DLG2: variants seen among roughly 807,000 people sequenced by gnomAD.
DLG2 encodes the protein discs large MAGUK scaffold protein 2.
In DLG2, 45 loss-of-function variants were observed where a neutral mutation model predicts 132.5. That is an observed-to-expected ratio of 0.34 (90% CI 0.27 to 0.44). The LOEUF (loss-of-function observed/expected upper bound fraction) is 0.44, where lower values mean the gene tolerates loss of function less well. Among genes scored for constraint, DLG2 ranks in the 20% least tolerant of loss-of-function variants. DLG2 has a pLI of 1.00. For synonymous variants in DLG2, 424 were observed against 419.6 expected (o/e 1.01, Z -0.13); for missense variants, 1,045 against 1,196.9 (o/e 0.87, Z 1.87).
At chr11:84,785,409 T>C (rs2072703837) in intron 6 of DLG2, among the ~76,000 whole-genome samples, 1 of 152,100 alleles carries the variant, frequency 6.6e-6, no homozygotes, top group Non-Finnish European at 1.5e-5. Context: ...CCTCATGAGT[T>C]GTTAGGTATA....
At chr11:84,870,370 A>G (rs964749348) in intron 6 of DLG2, among the ~76,000 whole-genome samples, 41 of 152,168 alleles carry the variant, frequency 2.7e-4, no homozygotes, top group African/African-American at 8.7e-4. Context: ...TTCCAGCAAG[A>G]TCCTGTTATT....
chr11:85,587,588 A>C (rs1362018540), intron 3 of DLG2, among the ~76,000 whole-genome samples: 3 of 152,114 alleles, frequency 2.0e-5, no homozygotes, highest in African/African-American at 4.8e-5. Context: ...GTGAGTTCTT[A>C]TGCGTTAAGT....
intron 6 of DLG2, among the ~76,000 whole-genome samples, chr11:85,011,502 T>C (rs1336717642): frequency 6.6e-6 from 1 of 152,138 alleles, no homozygotes; most frequent in Non-Finnish European, 1.5e-5. Context: ...TAGTCAAGAG[T>C]GCATTGAAAA....
chr11:84,326,619 A>G (rs1478153732), intron 7 of DLG2, among the ~76,000 whole-genome samples: 1 of 152,318 alleles, frequency 6.6e-6, no homozygotes, highest in East Asian at 1.9e-4. Flanking sequence ...AAATTGGTTA[A>G]GAGTTGTTTT....
intron 18 of DLG2, among the ~76,000 whole-genome samples, chr11:83,735,542 G>A (rs569419642): frequency 6.6e-6 from 1 of 152,076 alleles, no homozygotes; most frequent in Non-Finnish European, 1.5e-5. Flanking sequence ...AGATAATTTT[G>A]TTAACTCTTG....
intron 26 of DLG2, among the ~76,000 whole-genome samples, chr11:83,464,125 G>T (rs948963100): frequency 5.3e-5 from 8 of 152,230 alleles, no homozygotes; most frequent in African/African-American, 1.9e-4. Flanking sequence ...CATCATGGGA[G>T]CAGGAAGGTA....
At chr11:85,272,031 A>C (rs1595861518) in intron 4 of DLG2, among the ~76,000 whole-genome samples, 1 of 152,082 alleles carries the variant, frequency 6.6e-6, no homozygotes, top group East Asian at 1.9e-4. Flanking sequence ...CTATGTTCCC[A>C]CTCAAATCTC....
intron 6 of DLG2, among the ~76,000 whole-genome samples, chr11:84,904,379 C>T (rs1352617662): frequency 1.3e-5 from 2 of 152,104 alleles, no homozygotes; most frequent in Non-Finnish European, 2.9e-5. Context: ...AAATAATATT[C>T]CAAAAACTTC....
chr11:85,377,870 T>C (rs1313847139), intron 3 of DLG2, among the ~76,000 whole-genome samples: 1 of 150,322 alleles, frequency 6.7e-6, no homozygotes, highest in Non-Finnish European at 1.5e-5. Flanking sequence ...TATACATATA[T>C]ATACACACAC....
In DLG2 at chr11:83,699,471, C is replaced by A. The variant is rs367694487; in HGVS notation, c.1826-66146G>T. Among the ~76,000 whole-genome samples the A allele has an allele frequency of 3.3e-5, 5 of 150,292 alleles. No individual in the cohort carries two copies. The East Asian group carries it at 9.9e-4, about 30-fold the overall frequency. On this transcript the variant is annotated intron_variant, in intron 18 of 27. Transcript: ENST00000376104. ...CAGCACTTTGGGAGGCTGAGGCAGG[C>A]GGATCACGAGGTCAGGAGATCGAGA...
In DLG2 at chr11:85,087,982, T is replaced by C. The variant is rs573476657; in HGVS notation, c.357+23679A>G. Among the ~76,000 whole-genome samples, 8 of 152,242 alleles carry C rather than the reference T, an allele frequency of 5.3e-5. No homozygotes were observed. In the East Asian group the frequency reaches 1.5e-3, roughly 29 times the overall value. On this transcript the variant is annotated intron_variant, in intron 6 of 27. Coordinates refer to ENST00000376104, the MANE Select transcript of DLG2 (RefSeq NM_001142699.3). ...AAGGAAAAAGGGCAAGATTATTAGA[T>C]TTATATTTTTCAAGTTAAGCTAGTA...
intron 3 of DLG2, among the ~76,000 whole-genome samples, chr11:85,521,957 A>G (rs1202604050): frequency 6.6e-6 from 1 of 152,198 alleles, no homozygotes; most frequent in East Asian, 1.9e-4. Flanking sequence ...AATTCTGGGG[A>G]GAAATTCAAG....
chr11:83,624,432 A>G (rs2062143561), intron 19 of DLG2, among the ~76,000 whole-genome samples: 1 of 152,260 alleles, frequency 6.6e-6, no homozygotes, highest in Admixed American at 6.5e-5. Flanking sequence ...CTGCCTAAAG[A>G]CAAAGCCTTT....
rs188865171 is a variant in DLG2, at chr11:85,605,722, T to C, written c.-92-6934A>G. ...GGCTGGGAGCGGTGGCTCACGCCTG[T>C]AATACCAGCACTTTGGGATGCCAAG... is the stretch of plus-strand genomic sequence containing the variant. On this transcript the variant is annotated intron_variant, in intron 2 of 27. Coordinates refer to ENST00000376104, the MANE Select transcript of DLG2 (RefSeq NM_001142699.3). Among the ~76,000 whole-genome samples the C allele has an allele frequency of 3.9e-3, 600 of 152,338 alleles. 4 individuals are homozygous for C. The highest frequency in any genetic ancestry group is 0.014 in the African/African-American group (570 of 41,570).
intron 3 of DLG2, among the ~76,000 whole-genome samples, chr11:85,374,471 T>A (rs1277256153): frequency 2.6e-5 from 4 of 152,204 alleles, no homozygotes; most frequent in African/African-American, 9.6e-5. Context: ...TCCTGAGCTA[T>A]AAAGATACTT....
At chr11:85,101,941 C>T (rs1371336684) in intron 6 of DLG2, among the ~76,000 whole-genome samples, 2 of 151,938 alleles carry the variant, frequency 1.3e-5, no homozygotes, top group African/African-American at 4.8e-5. Context: ...ATGGTCTTCT[C>T]CAAATAAATA....
At chr11:84,404,114 CTGAG>C (rs1434361052) in intron 7 of DLG2, among the ~76,000 whole-genome samples, 1 of 152,076 alleles carries the variant, frequency 6.6e-6, no homozygotes, top group Non-Finnish European at 1.5e-5. Flanking sequence ...TCCCACTGCT[CTGAG>C]GAAGAGCAAA....
chr11:83,609,843 A>C (rs1288784543), intron 19 of DLG2, among the ~76,000 whole-genome samples: 1 of 152,174 alleles, frequency 6.6e-6, no homozygotes, highest in Non-Finnish European at 1.5e-5. Flanking sequence ...TTATGTCCTC[A>C]TGTAAAATAG....
rs548716996 is a variant in DLG2, at chr11:84,792,060, G to T, written c.358-257329C>A. 6.2e-4 allele frequency among the ~76,000 whole-genome samples: 95 copies of T among 152,246 alleles called. 1 individual carries two copies. Among genetic ancestry groups the T allele is most frequent in the African/African-American group, 2.1e-3 (89 of 41,562 alleles). ...TTTTTCCCCATTCATTATGATACTA[G>T]CTTTGTGTCTGACATATATGACTTT... On this transcript the variant is annotated intron_variant, in intron 6 of 27. Transcript: ENST00000376104.
Sources: allele counts gnomAD v4.1 joint callset (sites outside exome capture counted in the v4.1 genomes callset), GRCh38; gene constraint gnomAD v4.1.1; transcripts MANE v1.5; gene names NCBI Gene and HGNC (gene_info 2026-07-23, HGNC 2026-07-21).